Variants in PITPNC1 observed in about 807,000 individuals in gnomAD.
PITPNC1 encodes the protein phosphatidylinositol transfer protein cytoplasmic 1, also known as cytoplasmic phosphatidylinositol transfer protein 1.
PITPNC1 carries 18 observed loss-of-function variants against 44.7 expected under a neutral mutation model. That is an observed-to-expected ratio of 0.40 (90% confidence interval 0.28 to 0.60). The LOEUF (loss-of-function observed/expected upper bound fraction) is 0.60. Ranked by LOEUF, PITPNC1 falls within the 20% of genes least tolerant of loss-of-function variation. The pLI is 0.39. For missense variants in PITPNC1, 290 were observed against 418.4 expected (o/e 0.69, Z 2.68); for synonymous variants, 141 against 149.6 (o/e 0.94, Z 0.42).
At chr17:67,687,270 C>A in intron 8 of PITPNC1, 2 of 742,676 alleles carry the variant, frequency 2.7e-6, no homozygotes, top group African/African-American at 1.7e-5. Context: ...ATGCCCGGTT[C>A]GCAACCTTCC....
chr17:67,688,037 T>TAAAA (rs67788348), intron 8 of PITPNC1, among the ~76,000 whole-genome samples: 4 of 137,612 alleles, frequency 2.9e-5, no homozygotes, highest in South Asian at 4.7e-4. Context: ...TAGTAGGTGT[T>TAAAA]AAAAAAAAAA....
intron 1 of PITPNC1, among the ~76,000 whole-genome samples, chr17:67,446,639 G>T (rs757642186): frequency 3.3e-5 from 5 of 151,718 alleles, no homozygotes; most frequent in Non-Finnish European, 7.4e-5. Flanking sequence ...TAAAGGGAGG[G>T]TTGACTATTT....
chr17:67,470,575 G>GT (rs934570132), intron 1 of PITPNC1, among the ~76,000 whole-genome samples: 19 of 135,906 alleles, frequency 1.4e-4, no homozygotes, highest in African/African-American at 5.1e-4. Context: ...CGGGAGGGAG[G>GT]TGGGGGGGGT....
intron 1 of PITPNC1, among the ~76,000 whole-genome samples, chr17:67,526,356 T>C (rs2144117234): frequency 6.6e-6 from 1 of 152,358 alleles, no homozygotes; most frequent in South Asian, 2.1e-4. Flanking sequence ...GTTGAAGGTA[T>C]TGTTGGCACT....
intron 4 of PITPNC1, among the ~76,000 whole-genome samples, chr17:67,554,252 GA>G (rs1212382444): frequency 4.3e-5 from 5 of 116,876 alleles, no homozygotes; most frequent in African/African-American, 1.7e-4. Context: ...AATAGTTTAT[GA>G]TTTTTTTTTT....
chr17:67,412,637 G>A (rs964613675), intron 1 of PITPNC1, among the ~76,000 whole-genome samples: 5 of 151,886 alleles, frequency 3.3e-5, no homozygotes, highest in African/African-American at 9.7e-5. Flanking sequence ...TGTGATCTCC[G>A]CTCACTGCAA....
chr17:67,648,930 G>T (rs1293436807), intron 6 of PITPNC1, among the ~76,000 whole-genome samples: 1 of 152,168 alleles, frequency 6.6e-6, no homozygotes, highest in Non-Finnish European at 1.5e-5. Flanking sequence ...AAGGCGGGAG[G>T]ATCACTTGAG....
chr17:67,396,072 T>C (rs2038216039), intron 1 of PITPNC1, among the ~76,000 whole-genome samples: 1 of 152,330 alleles, frequency 6.6e-6, no homozygotes, highest in African/African-American at 2.4e-5. Context: ...GCATGACTTA[T>C]AGTACTGCAG....
intron 6 of PITPNC1, among the ~76,000 whole-genome samples, chr17:67,659,702 T>C (rs1361477728): frequency 6.6e-6 from 1 of 152,164 alleles, no homozygotes; most frequent in Non-Finnish European, 1.5e-5. Context: ...TCTCTCAATT[T>C]ATTGGTCTTC....
At chr17:67,599,001 C>CATACATATATATATATAT (rs1213219086) in intron 5 of PITPNC1, among the ~76,000 whole-genome samples, 2 of 45,160 alleles carry the variant, frequency 4.4e-5, no homozygotes, top group African/African-American at 7.0e-5. Flanking sequence ...ATAAGAAATA[C>CATACATATATATATATAT]ATATATATAT....
rs567099705 is a variant in PITPNC1, at chr17:67,469,906, A to G, written c.49-62896A>G. Among the ~76,000 whole-genome samples, 29 of 152,182 alleles carry G rather than the reference A, an allele frequency of 1.9e-4. 1 individual carries two copies. The East Asian group carries it at 4.1e-3, about 21-fold the overall frequency. On this transcript the variant is annotated intron_variant, in intron 1 of 8. Coordinates refer to ENST00000581322, the MANE Select transcript of PITPNC1 (RefSeq NM_012417.4). ...CTTTACTGTGATATATAATATATAT[A>G]TGTGTGTGTATATGTATATATATAA... is the stretch of plus-strand genomic sequence containing the variant.
chr17:67,662,296 A>G (rs530927349), intron 6 of PITPNC1, among the ~76,000 whole-genome samples: 8 of 151,954 alleles, frequency 5.3e-5, no homozygotes, highest in African/African-American at 1.9e-4. Flanking sequence ...TCTACTAAAA[A>G]TACAAAAATT....
intron 5 of PITPNC1, among the ~76,000 whole-genome samples, chr17:67,627,673 A>C (rs1598904666): frequency 6.6e-6 from 1 of 152,130 alleles, no homozygotes; most frequent in East Asian, 1.9e-4. Flanking sequence ...GGATGCTAAG[A>C]GGCGGTTTTG....
At chr17:67,463,791 C>T (rs1187824806) in intron 1 of PITPNC1, among the ~76,000 whole-genome samples, 1 of 151,874 alleles carries the variant, frequency 6.6e-6, no homozygotes, top group Non-Finnish European at 1.5e-5. Flanking sequence ...GTGGTTCCGG[C>T]GGCTACTTGG....
At chr17:67,458,839 GCTT>G (rs777214622) in intron 1 of PITPNC1, among the ~76,000 whole-genome samples, 3 of 152,094 alleles carry the variant, frequency 2.0e-5, no homozygotes, top group Non-Finnish European at 4.4e-5. Flanking sequence ...AATTTGCATT[GCTT>G]CTTCTAGAGA....
chr17:67,642,014 A>G (rs1567755004), intron 6 of PITPNC1, among the ~76,000 whole-genome samples: 1 of 152,058 alleles, frequency 6.6e-6, no homozygotes, highest in East Asian at 1.9e-4. Flanking sequence ...ATTTTCCTAG[A>G]TATAACAAAA....
At chr17:67,631,065 A>G (rs529046777) in intron 5 of PITPNC1, among the ~76,000 whole-genome samples, 2,429 of 142,280 alleles carry the variant, frequency 0.017, 69 homozygotes, top group African/African-American at 0.057. Context: ...TATTATTATT[A>G]TTATTATTAT....
In PITPNC1 at chr17:67,508,498, G is replaced by C. The variant is rs2040136068; in HGVS notation, c.49-24304G>C. Among the ~76,000 whole-genome samples the C allele has an allele frequency of 1.3e-5, 2 of 152,146 alleles. No individual in the cohort carries two copies. The highest frequency in any genetic ancestry group is 4.8e-5 in the African/African-American group (2 of 41,430). ...CACTCCTGTCGCCATCTTGGTTTTGGTGGGTTTTACCTGGGTTCTCTACTG... is the reference window on the plus strand; with the variant it reads ...CACTCCTGTCGCCATCTTGGTTTTGCTGGGTTTTACCTGGGTTCTCTACTG... On this transcript the variant is annotated intron_variant, in intron 1 of 8. Coordinates refer to ENST00000581322, the MANE Select transcript of PITPNC1 (RefSeq NM_012417.4). This position sits in a 1 kb window ranked among gnomAD's most constrained non-coding sequence, Gnocchi z 4.2.
At position 67,693,981 on chromosome 17, in the gene PITPNC1, C is replaced by T. The variant is rs1472323153; in HGVS notation, c.*1093C>T. 2 of 152,220 alleles carry T rather than the reference C, an allele frequency of 1.3e-5. No individual in the cohort carries two copies. The highest frequency in any genetic ancestry group is 6.5e-5 in the Admixed American group (1 of 15,284). 9.4% of individuals were successfully genotyped at this position (152,220 alleles called of 1,614,324 possible). A position where few individuals can be genotyped will look rare whatever the true frequency, so the allele number is the denominator to read the frequency against. Reference sequence around the variant, plus strand: ...TGAAATACAAATATTGGGAATGTCACAGACATCAAGCAACTACTGTCAAGT... The same window carrying T: ...TGAAATACAAATATTGGGAATGTCATAGACATCAAGCAACTACTGTCAAGT... On this transcript the variant is annotated 3_prime_UTR_variant, in exon 9 of 9. Transcript: ENST00000581322.
Sources: gnomAD v4.1 joint callset for allele counts (sites outside exome capture counted in the v4.1 genomes callset) on GRCh38, gnomAD v4.1.1 for gene constraint, Gnocchi (gnomAD v3.1) non-coding constraint, MANE v1.5 for transcripts, NCBI Gene and HGNC (gene_info 2026-07-23, HGNC 2026-07-21) for gene names.